The following CDK19 variants were observed in gnomAD, a reference collection of about 807,000 sequenced individuals.
CDK19 encodes cyclin-dependent kinase 19.
Under a neutral mutation model 68.3 loss-of-function variants are expected in CDK19, and 20 were observed. The ratio of observed to expected loss-of-function variants is 0.29; its 90% confidence interval spans 0.21 to 0.43. The LOEUF is 0.43. Among genes scored for constraint, CDK19 ranks in the 20% least tolerant of loss-of-function variants. The probability of loss-of-function intolerance (pLI) is 1.00; values close to 1 mark genes in which losing one functional copy is unlikely to be tolerated. For synonymous variants in CDK19, 221 were observed against 222.8 expected, an observed-to-expected ratio of 0.99 and a Z score of 0.07; for missense variants, 339 against 623.5, an observed-to-expected ratio of 0.54 and a Z score of 4.86.
At chr6:110,711,713 A>C (rs1401272532) in intron 2 of CDK19, among the ~76,000 whole-genome samples, 1 of 152,274 alleles carries the variant, frequency 6.6e-6, no homozygotes, top group East Asian at 1.9e-4. Flanking sequence ...CACGCCTGCA[A>C]TCCCAGCACT....
At chr6:110,716,993 A>C (rs1332761603) in intron 2 of CDK19, among the ~76,000 whole-genome samples, 1 of 152,152 alleles carries the variant, frequency 6.6e-6, no homozygotes, top group Non-Finnish European at 1.5e-5. Flanking sequence ...TTAGCTGGGC[A>C]TGGTGGCATG....
intron 1 of CDK19, among the ~76,000 whole-genome samples, chr6:110,775,099 G>A (rs1005785260): frequency 6.6e-6 from 1 of 152,020 alleles, no homozygotes; most frequent in African/African-American, 2.4e-5. Flanking sequence ...ACAAAAATTA[G>A]CTGGGTGTGG....
At chr6:110,794,517 T>A (rs1302602273) in intron 1 of CDK19, among the ~76,000 whole-genome samples, 1 of 151,416 alleles carries the variant, frequency 6.6e-6, no homozygotes, top group Non-Finnish European at 1.5e-5. Context: ...TTCTCCTGCC[T>A]CAGCCTCCCG....
At chr6:110,758,213 A>C (rs1443264222) in intron 1 of CDK19, among the ~76,000 whole-genome samples, 1 of 152,126 alleles carries the variant, frequency 6.6e-6, no homozygotes, top group East Asian at 1.9e-4. Context: ...AACAAAAAGG[A>C]GTTAAAAAGA....
chr6:110,654,877 G>A (rs1781206803), intron 4 of CDK19, among the ~76,000 whole-genome samples: 1 of 151,748 alleles, frequency 6.6e-6, no homozygotes, highest in Admixed American at 6.6e-5. Flanking sequence ...GGAGGTGGAG[G>A]TTATGGTGAG....
chr6:110,614,693 A>G, intron 12 of CDK19, 27 bp from the exon 13 acceptor site: 1 of 1,612,582 alleles, frequency 6.2e-7, no homozygotes, highest in Non-Finnish European at 8.5e-7. Flanking sequence ...GGAAAAGGGA[A>G]TTACTGATGG....
chr6:110,693,622 T>C (rs1562203978), intron 2 of CDK19, among the ~76,000 whole-genome samples: 1 of 152,138 alleles, frequency 6.6e-6, no homozygotes, highest in Non-Finnish European at 1.5e-5. Flanking sequence ...AAGCCTGTCA[T>C]TGCTGGCTTT....
chr6:110,643,966 TAATTA>T (rs1021127544), intron 4 of CDK19, among the ~76,000 whole-genome samples: 2 of 151,910 alleles, frequency 1.3e-5, no homozygotes, highest in African/African-American at 4.8e-5. Flanking sequence ...TAATTTAATT[TAATTA>T]AACATTATTA....
chr6:110,665,941 C>CT (rs1006912402), intron 4 of CDK19, among the ~76,000 whole-genome samples: 1 of 151,706 alleles, frequency 6.6e-6, no homozygotes, highest in African/African-American at 2.4e-5. Flanking sequence ...TGGGGTTTTG[C>CT]TATGTTGCCC....
chr6:110,785,990 AAAAG>A (rs1326747207), intron 1 of CDK19, among the ~76,000 whole-genome samples: 1 of 152,088 alleles, frequency 6.6e-6, no homozygotes, highest in Non-Finnish European at 1.5e-5. Flanking sequence ...CAAAAAAAAA[AAAAG>A]AAAGGAAAAT....
At chr6:110,616,694 T>C (rs1778334901) in intron 12 of CDK19, among the ~76,000 whole-genome samples, 1 of 151,904 alleles carries the variant, frequency 6.6e-6, no homozygotes, top group African/African-American at 2.4e-5. Flanking sequence ...AAACAAAACT[T>C]AGTTTTGCCC....
chr6:110,638,834 C>A, intron 4 of CDK19, 128 bp from the exon 5 acceptor site: 1 of 623,916 alleles, frequency 1.6e-6, no homozygotes, highest in East Asian at 2.8e-5. Context: ...AAATATTAAG[C>A]ACCCTCTACA....
intron 4 of CDK19, among the ~76,000 whole-genome samples, chr6:110,660,687 C>T (rs537399219): frequency 4.6e-5 from 7 of 152,312 alleles, no homozygotes; most frequent in African/African-American, 1.2e-4. Context: ...CAAAGCTACA[C>T]CATCAAGCTG....
At chr6:110,779,891 C>T (rs1780671351) in intron 1 of CDK19, among the ~76,000 whole-genome samples, 1 of 151,776 alleles carries the variant, frequency 6.6e-6, no homozygotes, top group African/African-American at 2.4e-5. Flanking sequence ...TTGAGACCAG[C>T]CTGGCCAACA....
At chr6:110,735,261 T>C (rs1419506104) in intron 2 of CDK19, among the ~76,000 whole-genome samples, 1 of 152,064 alleles carries the variant, frequency 6.6e-6, no homozygotes, top group Non-Finnish European at 1.5e-5. Context: ...AATTTTAATT[T>C]TATATTTCAA....
At chr6:110,725,247 T>C (rs1582957327) in intron 2 of CDK19, among the ~76,000 whole-genome samples, 1 of 152,106 alleles carries the variant, frequency 6.6e-6, no homozygotes, top group African/African-American at 2.4e-5. Context: ...GAATAGATAA[T>C]GCTTTTGGAT....
chr6:110,707,393 C>T (rs1228852639), intron 2 of CDK19, among the ~76,000 whole-genome samples: 1 of 151,802 alleles, frequency 6.6e-6, no homozygotes, highest in East Asian at 1.9e-4. Context: ...AGTACACAGC[C>T]AATAAATGGC....
rs139552525 is a variant in CDK19 at position 110,631,959 on chromosome 6, TTTA to T, written c.646+68_646+70del. On this transcript the variant is annotated intron_variant, in intron 6 of 12. Transcript: ENST00000368911. ...TATAAAATGGTTTTTATCAAGTAGC[TTTA>T]TTATTATACCATTTTATATTTATGA... The T allele has an allele frequency of 0.02, 27,217 of 1,394,608 alleles. 3,335 individuals are homozygous for T. In the East Asian group the frequency reaches 0.36, roughly 18 times the overall value. 86.4% of individuals were successfully genotyped at this position (1,394,608 alleles called of 1,614,324 possible).
intron 2 of CDK19, among the ~76,000 whole-genome samples, chr6:110,741,505 G>C (rs1332709712): frequency 6.7e-6 from 1 of 150,320 alleles, no homozygotes; most frequent in Non-Finnish European, 1.5e-5. Context: ...AGAAATGATG[G>C]CTGAAAACTT....
Sources: allele counts gnomAD v4.1 joint callset (sites outside exome capture counted in the v4.1 genomes callset), GRCh38; gene constraint gnomAD v4.1.1; transcripts MANE v1.5; gene names NCBI Gene and HGNC (gene_info 2026-07-23, HGNC 2026-07-21).